Variants in TRIP4 observed in about 807,000 individuals in gnomAD.
The protein encoded by TRIP4 is activating signal cointegrator 1.
A neutral mutation model predicts 81.8 loss-of-function variants in TRIP4; 54 were observed. The ratio of observed to expected loss-of-function variants is 0.66; its 90% CI spans 0.53 to 0.83. The LOEUF is 0.83. TRIP4 is among the 40% of genes least tolerant of loss of function. TRIP4 has a pLI of 0.00. For synonymous variants in TRIP4, 270 were observed against 242.8 expected (o/e 1.11, Z -1.04); for missense variants, 662 against 683.6 (o/e 0.97, Z 0.35).
intron 3 of TRIP4, 27 bp from the exon 4 acceptor site, chr15:64,397,578 AT>A (rs753774559): frequency 1.3e-6 from 2 of 1,598,512 alleles, no homozygotes; most frequent in Non-Finnish European, 1.7e-6. Context: ...TAATTATTTG[AT>A]GTTATTTTGA....
intron 9 of TRIP4, among the ~76,000 whole-genome samples, chr15:64,423,094 T>C (rs1256858498): frequency 6.6e-6 from 1 of 152,218 alleles, no homozygotes; most frequent in African/African-American, 2.4e-5. Flanking sequence ...GAATACATTC[T>C]GTTATTCTCT....
At chr15:64,417,334 C>T (rs535057765) in intron 8 of TRIP4, among the ~76,000 whole-genome samples, 76 of 152,060 alleles carry the variant, frequency 5.0e-4, no homozygotes, top group African/African-American at 1.8e-3. Context: ...TTTAAAGACA[C>T]AGGACCTCAC....
At chr15:64,391,172 T>C (rs1900116472) in intron 1 of TRIP4, among the ~76,000 whole-genome samples, 1 of 152,074 alleles carries the variant, frequency 6.6e-6, no homozygotes, top group Non-Finnish European at 1.5e-5. Context: ...TTTTTTCTTT[T>C]TTGAGACGGA....
chr15:64,409,105 G>T (rs898789339), intron 6 of TRIP4, among the ~76,000 whole-genome samples: 2 of 151,932 alleles, frequency 1.3e-5, no homozygotes, highest in African/African-American at 4.8e-5. Context: ...CAGCTACTCA[G>T]GTGGCTGAGG....
intron 1 of TRIP4, among the ~76,000 whole-genome samples, chr15:64,390,556 G>GAAATAAAAA: frequency 6.6e-6 from 1 of 151,980 alleles, no homozygotes; most frequent in Non-Finnish European, 1.5e-5. Flanking sequence ...TCTCAGTCTA[G>GAAATAAAAA]AATCCAGTTG....
intron 5 of TRIP4, among the ~76,000 whole-genome samples, chr15:64,404,568 C>T (rs1383373505): frequency 1.3e-5 from 2 of 152,128 alleles, no homozygotes; most frequent in African/African-American, 4.8e-5. Context: ...ACCTTGGCCT[C>T]CCAAAATGCT....
intron 1 of TRIP4, among the ~76,000 whole-genome samples, chr15:64,389,296 T>C (rs748068466): frequency 3.3e-5 from 5 of 152,130 alleles, no homozygotes; most frequent in Non-Finnish European, 2.9e-5. Flanking sequence ...TCGGAGAAAA[T>C]AGACTTTTGG....
At chr15:64,443,783 A>C (rs1892567627) in intron 11 of TRIP4, among the ~76,000 whole-genome samples, 1 of 152,032 alleles carries the variant, frequency 6.6e-6, no homozygotes, top group East Asian at 1.9e-4. Context: ...GAACTTTGGG[A>C]GGTTGAGGCA....
chr15:64,447,004 T>C (rs1249757289), intron 12 of TRIP4, among the ~76,000 whole-genome samples: 1 of 152,020 alleles, frequency 6.6e-6, no homozygotes, highest in Non-Finnish European at 1.5e-5. Flanking sequence ...CTCGGGAGGC[T>C]GAGGCAGGAG....
chr15:64,442,489 T>A (rs1348642788), intron 11 of TRIP4, among the ~76,000 whole-genome samples: 2 of 151,972 alleles, frequency 1.3e-5, no homozygotes, highest in African/African-American at 4.8e-5. Context: ...CTTGCTATGT[T>A]GCCCAGGCTG....
At chr15:64,401,237 C>A (rs192699000) in intron 5 of TRIP4, among the ~76,000 whole-genome samples, 96 of 151,806 alleles carry the variant, frequency 6.3e-4, no homozygotes, top group Non-Finnish European at 1.3e-3. Context: ...TGGGTTCAAG[C>A]AATTCTCCTG....
chr15:64,440,431 A>G (rs1892492362), intron 11 of TRIP4, among the ~76,000 whole-genome samples: 1 of 142,904 alleles, frequency 7.0e-6, no homozygotes, highest in Non-Finnish European at 1.5e-5. Context: ...TTTAGTGTCC[A>G]GGCCCTGGTT....
At chr15:64,425,475 G>A (rs1892119715) in intron 10 of TRIP4, 65 bp from the exon 11 acceptor site, 1 of 1,339,102 alleles carries the variant, frequency 7.5e-7, no homozygotes, top group South Asian at 1.3e-5. Context: ...ATTGAAAACA[G>A]ATTCCTGAGT....
At chr15:64,421,675 G>A (rs995521955) in intron 9 of TRIP4, among the ~76,000 whole-genome samples, 12 of 152,198 alleles carry the variant, frequency 7.9e-5, no homozygotes, top group African/African-American at 2.6e-4. Flanking sequence ...ATTTACATAC[G>A]CAAATAGTTA....
At chr15:64,408,046 G>A (rs1437715535) in intron 6 of TRIP4, among the ~76,000 whole-genome samples, 3 of 148,508 alleles carry the variant, frequency 2.0e-5, no homozygotes, top group Non-Finnish European at 4.5e-5. Context: ...ACAGTGAGGC[G>A]AGATTAATCC....
At chr15:64,425,718 C>G in intron 11 of TRIP4, 87 bp downstream of exon 11, 1 of 1,008,280 alleles carries the variant, frequency 9.9e-7, no homozygotes, top group South Asian at 1.5e-5. Context: ...GAGGCTGGGC[C>G]TCTTAAAAGT....
chr15:64,394,175 T>C (rs1900218678), intron 2 of TRIP4, 60 bp downstream of exon 2: 7 of 1,365,570 alleles, frequency 5.1e-6, no homozygotes, highest in Non-Finnish European at 6.8e-6. Context: ...CTTAAAGAAT[T>C]ATTATTATTA....
intron 5 of TRIP4, among the ~76,000 whole-genome samples, chr15:64,403,196 G>A (rs140925713): frequency 9.2e-4 from 138 of 149,470 alleles, no homozygotes; most frequent in African/African-American, 2.8e-3. Flanking sequence ...TCGCTCTTTC[G>A]CCCGGGCTGG....
chr15:64,388,051 T>C, intron 1 of TRIP4, 87 bp downstream of exon 1: 1 of 1,448,154 alleles, frequency 6.9e-7, no homozygotes, highest in Non-Finnish European at 9.1e-7. Flanking sequence ...ACTGAAAAGT[T>C]AAGAGAGAAA....
Sources: allele counts gnomAD v4.1 joint callset (sites outside exome capture counted in the v4.1 genomes callset), GRCh38; gene constraint gnomAD v4.1.1; transcripts MANE v1.5; gene names NCBI Gene and HGNC (gene_info 2026-07-23, HGNC 2026-07-21).